TBC1D1: variants seen among roughly 807,000 people sequenced by gnomAD.
TBC1D1 encodes the protein TBC1 domain family member 1.
TBC1D1 carries 89 observed loss-of-function variants against 125.6 expected under a neutral mutation model. The ratio of observed to expected loss-of-function variants is 0.71; its 90% CI spans 0.60 to 0.85. The LOEUF is 0.85. TBC1D1 is among the 40% of genes least tolerant of loss of function. The probability of loss-of-function intolerance (pLI) is 0.00; values close to 1 mark genes in which losing one functional copy is unlikely to be tolerated. For missense variants in TBC1D1, 1,377 were observed against 1,469.2 expected (o/e 0.94, Z 1.03); for synonymous variants, 565 against 564.1 (o/e 1.00, Z -0.02).
At chr4:38,132,450 C>T (rs1765742836) in intron 18 of TBC1D1, among the ~76,000 whole-genome samples, 1 of 152,174 alleles carries the variant, frequency 6.6e-6, no homozygotes, top group African/African-American at 2.4e-5. Context: ...GTTTTTCACA[C>T]GTGTGGTGTT....
At chr4:37,908,421 G>C (rs1717819871) in intron 2 of TBC1D1, among the ~76,000 whole-genome samples, 2 of 152,094 alleles carry the variant, frequency 1.3e-5, no homozygotes, top group African/African-American at 4.8e-5. Context: ...GGCCAGGCTT[G>C]TCCCGAACTC....
In TBC1D1 at chr4:38,112,506, G is replaced by T. The variant is rs138432081; in HGVS notation, c.2558-3204G>T. Among the ~76,000 whole-genome samples, 5 of 152,216 alleles carry T rather than the reference G, an allele frequency of 3.3e-5. No homozygotes were observed. The East Asian group carries it at 9.6e-4, about 29-fold the overall frequency. On this transcript the variant is annotated intron_variant, in intron 15 of 19. Transcript: ENST00000261439. The stretch of plus-strand genomic sequence containing the variant: ...CATTCATAGCAACCATTTGCATTAG[G>T]CATTGTACGTGTACTCTCCACTCTG...
chr4:38,041,070 TAG>T (rs1414951263), intron 8 of TBC1D1, among the ~76,000 whole-genome samples: 2 of 152,348 alleles, frequency 1.3e-5, no homozygotes, highest in Non-Finnish European at 2.9e-5. Flanking sequence ...CTCATTCTCA[TAG>T]AGAGTCCAAT....
At chr4:37,894,495 T>C (rs879472112) in intron 1 of TBC1D1, among the ~76,000 whole-genome samples, 1 of 152,202 alleles carries the variant, frequency 6.6e-6, no homozygotes, top group African/African-American at 2.4e-5. Context: ...ATTTTGAGTG[T>C]GCCTGTCTCC....
At chr4:37,988,960 C>T (rs6841167) in intron 2 of TBC1D1, among the ~76,000 whole-genome samples, 61,037 of 152,004 alleles carry the variant, frequency 0.4, 13,200 homozygotes, top group East Asian at 0.87. Context: ...AGCCTAACTG[C>T]AGTCTGACAT....
chr4:37,891,857 C>A (rs1016502561), intron 1 of TBC1D1, among the ~76,000 whole-genome samples: 128 of 152,092 alleles, frequency 8.4e-4, no homozygotes, highest in African/African-American at 2.9e-3. Context: ...TTGTTTCTAG[C>A]CGCTTCCTGA....
intron 17 of TBC1D1, among the ~76,000 whole-genome samples, chr4:38,124,604 A>G (rs1378649014): frequency 6.6e-6 from 1 of 152,174 alleles, no homozygotes; most frequent in Non-Finnish European, 1.5e-5. Flanking sequence ...TGCTTTATCT[A>G]TAAAAATCTT....
chr4:38,115,346 T>C (rs595688), intron 15 of TBC1D1, among the ~76,000 whole-genome samples: 108,836 of 151,402 alleles, frequency 0.72, 39,392 homozygotes, highest in African/African-American at 0.79. Context: ...AGGCGATCCT[T>C]CCACCTAGGC....
chr4:38,000,943 G>A (rs181032634), intron 2 of TBC1D1, among the ~76,000 whole-genome samples: 4 of 152,222 alleles, frequency 2.6e-5, no homozygotes, highest in African/African-American at 4.8e-5. Flanking sequence ...ACTCAAGGCC[G>A]GGTGCGGTGG....
chr4:37,944,502 C>A (rs1024556892), intron 2 of TBC1D1, among the ~76,000 whole-genome samples: 1 of 152,198 alleles, frequency 6.6e-6, no homozygotes, highest in African/African-American at 2.4e-5. Flanking sequence ...GCTTCCCGGC[C>A]GCTTTGTTTA....
chr4:38,092,557 C>T (rs185061812), intron 13 of TBC1D1, among the ~76,000 whole-genome samples: 62 of 151,762 alleles, frequency 4.1e-4, no homozygotes, highest in African/African-American at 1.3e-3. Context: ...GTGGTGAAAC[C>T]CTGTCTCTAC....
chr4:38,018,773 C>G (rs1743364320), intron 4 of TBC1D1, among the ~76,000 whole-genome samples: 1 of 152,104 alleles, frequency 6.6e-6, no homozygotes, highest in Non-Finnish European at 1.5e-5. Context: ...TATATTTACA[C>G]ATTTCACACA....
rs187053798 is a variant in TBC1D1, at chr4:38,089,449, C to A, written c.2051-483C>A. Among the ~76,000 whole-genome samples the A allele has an allele frequency of 2.0e-5, 3 of 152,320 alleles. No individual in the cohort carries two copies. In the East Asian group the frequency reaches 5.8e-4, roughly 29 times the overall value. ...TTGGGTTCCAGTCCTGGCTCGACTC[C>A]TTCCTAGCTATGTGACATTAGGCAA... On this transcript the variant is annotated intron_variant, in intron 12 of 19. Transcript: ENST00000261439.
At chr4:37,900,108 G>C (rs1204296650) in intron 1 of TBC1D1, among the ~76,000 whole-genome samples, 1 of 145,778 alleles carries the variant, frequency 6.9e-6, no homozygotes, top group South Asian at 2.2e-4. Flanking sequence ...GCGACAGAGC[G>C]AGGAGCCGTC....
At chr4:37,942,424 A>G (rs1483563597) in intron 2 of TBC1D1, among the ~76,000 whole-genome samples, 3 of 149,966 alleles carry the variant, frequency 2.0e-5, no homozygotes, top group Non-Finnish European at 4.4e-5. Flanking sequence ...GTGTCTCTGC[A>G]TGTAAGATGG....
At chr4:37,984,770 G>T (rs1735086328) in intron 2 of TBC1D1, among the ~76,000 whole-genome samples, 1 of 151,326 alleles carries the variant, frequency 6.6e-6, no homozygotes, top group Non-Finnish European at 1.5e-5. Flanking sequence ...TTGAGCCTGG[G>T]AGGCAGAGGT....
intron 17 of TBC1D1, 30 bp downstream of exon 19, chr4:38,118,222 C>T: frequency 6.2e-7 from 1 of 1,611,634 alleles, no homozygotes; most frequent in Non-Finnish European, 8.5e-7. Context: ...TTTGCCAGAA[C>T]CAGCCTTCTC....
intron 8 of TBC1D1, among the ~76,000 whole-genome samples, chr4:38,037,726 A>G (rs1299118664): frequency 2.0e-5 from 3 of 152,220 alleles, no homozygotes; most frequent in Non-Finnish European, 4.4e-5. Context: ...GACAGAGGAC[A>G]GTGAGCGCTT....
chr4:37,893,891 T>C (rs1713936536), intron 1 of TBC1D1, among the ~76,000 whole-genome samples: 1 of 152,212 alleles, frequency 6.6e-6, no homozygotes, highest in Non-Finnish European at 1.5e-5. Context: ...TTTCCTTCAC[T>C]GACTTTTCTT....
Sources: gnomAD v4.1 joint callset for allele counts (sites outside exome capture counted in the v4.1 genomes callset) on GRCh38, gnomAD v4.1.1 for gene constraint, MANE v1.5 for transcripts, NCBI Gene and HGNC (gene_info 2026-07-23, HGNC 2026-07-21) for gene names.